EDIL3: variants seen among roughly 807,000 people sequenced by gnomAD.
EDIL3 encodes the protein EGF like and discoidin domains 3, also known as EGF-like repeat and discoidin I-like domain-containing protein 3.
A neutral mutation model predicts 67.4 loss-of-function variants in EDIL3; 37 were observed. The ratio of observed to expected loss-of-function variants is 0.55; its 90% CI spans 0.42 to 0.72. EDIL3 has a LOEUF of 0.72. Ranked by LOEUF, EDIL3 falls within the 30% of genes least tolerant of loss-of-function variation. The pLI, the probability that EDIL3 is intolerant of heterozygous loss-of-function variation, is 0.00. For synonymous variants in EDIL3, 195 were observed against 196.3 expected (o/e 0.99, Z 0.05); for missense variants, 527 against 586.3 (o/e 0.90, Z 1.04).
intron 3 of EDIL3, among the ~76,000 whole-genome samples, chr5:84,218,280 A>C (rs924312886): frequency 2.0e-5 from 3 of 152,340 alleles, no homozygotes; most frequent in South Asian, 4.1e-4. Context: ...ACAGTATTTA[A>C]TACTCTTAGG....
At chr5:83,977,249 C>A (rs1744890804) in intron 9 of EDIL3, among the ~76,000 whole-genome samples, 1 of 151,724 alleles carries the variant, frequency 6.6e-6, no homozygotes, top group African/African-American at 2.4e-5. Flanking sequence ...TGGTGATTAC[C>A]ATTAGAAGAT....
At chr5:84,209,282 G>A (rs1015451275) in intron 3 of EDIL3, among the ~76,000 whole-genome samples, 12 of 151,866 alleles carry the variant, frequency 7.9e-5, no homozygotes, top group African/African-American at 2.2e-4. Context: ...GCTAAATGAC[G>A]AGTTAATGGG....
intron 6 of EDIL3, among the ~76,000 whole-genome samples, chr5:84,074,285 T>C (rs1287765400): frequency 6.7e-6 from 1 of 149,864 alleles, no homozygotes; most frequent in African/African-American, 2.5e-5. Context: ...GACATAGGCA[T>C]GGGCAAGGAC....
chr5:84,314,006 G>C (rs1746460831), intron 1 of EDIL3, among the ~76,000 whole-genome samples: 1 of 151,964 alleles, frequency 6.6e-6, no homozygotes, highest in Admixed American at 6.6e-5. Context: ...GACCAGCCTG[G>C]ACAACATGGC....
At chr5:84,227,290 A>T (rs1421580785) in intron 3 of EDIL3, among the ~76,000 whole-genome samples, 8 of 151,974 alleles carry the variant, frequency 5.3e-5, no homozygotes, top group African/African-American at 1.7e-4. Flanking sequence ...ACAGACACTT[A>T]TCAAAAGAAG....
intron 4 of EDIL3, among the ~76,000 whole-genome samples, chr5:84,170,611 C>T (rs1273965479): frequency 2.0e-5 from 3 of 151,888 alleles, no homozygotes; most frequent in Non-Finnish European, 4.4e-5. Context: ...ACCTAAGCAA[C>T]TTACTTGGAA....
chr5:84,297,532 G>T (rs186956939), intron 1 of EDIL3, among the ~76,000 whole-genome samples: 35 of 152,252 alleles, frequency 2.3e-4, no homozygotes, highest in Non-Finnish European at 4.0e-4. Flanking sequence ...ACATCAGGTC[G>T]TGGGGGTGAC....
Position 84,384,408 on chromosome 5 carries a change from A to G in EDIL3, c.-34T>C. ...CTCCCGGACGTGACCCCGGCTGGTC[A>G]GGGGTCGTCGCGGAGGGCAGTGTAG... On this transcript the variant is annotated 5_prime_UTR_variant, in exon 1 of 11. Coordinates refer to ENST00000296591, the MANE Select transcript of EDIL3 (RefSeq NM_005711.5). 6.2e-7 allele frequency: 1 copy of G among 1,611,386 alleles called. No individual in the cohort carries two copies. Among genetic ancestry groups the G allele is most frequent in the Non-Finnish European group, 8.5e-7 (1 of 1,178,704 alleles).
chr5:83,965,340 T>C (rs770833651), intron 9 of EDIL3, among the ~76,000 whole-genome samples: 20 of 152,242 alleles, frequency 1.3e-4, no homozygotes, highest in Non-Finnish European at 2.2e-4. Context: ...TTCAGCTGTC[T>C]GGGCTTTAAA....
chr5:84,297,622 T>C (rs540000724), intron 1 of EDIL3, among the ~76,000 whole-genome samples: 3 of 152,152 alleles, frequency 2.0e-5, no homozygotes, highest in African/African-American at 4.8e-5. Context: ...CGGGAGTTTA[T>C]GGAGGCTGAG....
At chr5:84,017,073 T>C (rs1745620579) in intron 9 of EDIL3, among the ~76,000 whole-genome samples, 2 of 152,218 alleles carry the variant, frequency 1.3e-5, no homozygotes, top group Non-Finnish European at 2.9e-5. Flanking sequence ...AAGATATCTG[T>C]CCTACAAGTT....
chr5:84,120,862 C>A (rs1401785412), intron 5 of EDIL3, among the ~76,000 whole-genome samples: 1 of 151,636 alleles, frequency 6.6e-6, no homozygotes, highest in Non-Finnish European at 1.5e-5. Flanking sequence ...AAATACTAAG[C>A]ACTAAGTAAA....
intron 3 of EDIL3, among the ~76,000 whole-genome samples, chr5:84,212,912 T>C (rs1744157281): frequency 1.3e-5 from 2 of 151,714 alleles, no homozygotes; most frequent in Non-Finnish European, 2.9e-5. Flanking sequence ...TAAGTGTGAA[T>C]TAATAGTTTT....
At chr5:84,056,237 C>A (rs141220071) in intron 9 of EDIL3, among the ~76,000 whole-genome samples, 1 of 151,916 alleles carries the variant, frequency 6.6e-6, no homozygotes, top group Non-Finnish European at 1.5e-5. Flanking sequence ...AACCAAACAC[C>A]GCATGTTCTC....
chr5:84,029,602 T>C (rs1745880826), intron 9 of EDIL3, among the ~76,000 whole-genome samples: 3 of 152,168 alleles, frequency 2.0e-5, no homozygotes, highest in Admixed American at 2.0e-4. Context: ...AAAGGGAGTA[T>C]TAAACTTTCA....
intron 4 of EDIL3, among the ~76,000 whole-genome samples, chr5:84,147,299 C>CT (rs929868812): frequency 3.3e-5 from 5 of 151,940 alleles, no homozygotes. Context: ...GTACCATATG[C>CT]TTTTTTCTTT....
At chr5:84,191,353 G>A (rs930707869) in intron 3 of EDIL3, among the ~76,000 whole-genome samples, 3 of 152,028 alleles carry the variant, frequency 2.0e-5, no homozygotes, top group African/African-American at 7.2e-5. Context: ...TCATGAAGCA[G>A]AGAGATTCCT....
intron 3 of EDIL3, among the ~76,000 whole-genome samples, chr5:84,190,579 G>GTGTGTGTGTGTGTGTGTGTATA (rs1456078500): frequency 1.6e-5 from 2 of 122,056 alleles, no homozygotes; most frequent in African/African-American, 6.3e-5. Flanking sequence ...GTGTGTGTGT[G>GTGTGTGTGTGTGTGTGTGTATA]TATATATATA....
chr5:84,113,390 T>C (rs1317368656), intron 5 of EDIL3, among the ~76,000 whole-genome samples: 1 of 152,184 alleles, frequency 6.6e-6, no homozygotes, highest in African/African-American at 2.4e-5. Context: ...CTGAGTAGAC[T>C]GGAAGTGCCT....
Sources: gnomAD v4.1 joint callset for allele counts (sites outside exome capture counted in the v4.1 genomes callset) on GRCh38, gnomAD v4.1.1 for gene constraint, MANE v1.5 for transcripts, NCBI Gene and HGNC (gene_info 2026-07-23, HGNC 2026-07-21) for gene names.